Variants in TCF4 observed in about 807,000 individuals in gnomAD.
TCF4 encodes the protein transcription factor 4.
In TCF4, 3 loss-of-function variants were observed where a neutral mutation model predicts 82.1. The ratio of observed to expected loss-of-function variants is 0.04; its 90% confidence interval spans 0.02 to 0.09. The LOEUF is 0.09. TCF4 is among the 10% of genes least tolerant of loss of function. The pLI is 1.00. For synonymous variants in TCF4, 276 were observed against 309.6 expected, an observed-to-expected ratio of 0.89 and a Z score of 1.14; for missense variants, 518 against 852.7, an observed-to-expected ratio of 0.61 and a Z score of 4.89.
At chr18:55,398,550 C>T (rs187047939) in intron 6 of TCF4, among the ~76,000 whole-genome samples, 3 of 152,258 alleles carry the variant, frequency 2.0e-5, no homozygotes, top group East Asian at 1.9e-4. Context: ...TGTCTCTCCA[C>T]GGTATGACTT....
intron 3 of TCF4, among the ~76,000 whole-genome samples, chr18:55,477,938 G>C (rs1603523725): frequency 6.6e-6 from 1 of 152,180 alleles, no homozygotes; most frequent in Non-Finnish European, 1.5e-5. Context: ...CGGTCAGAAA[G>C]AGATGAGCTG....
chr18:55,372,226 G>T (rs971619989), intron 6 of TCF4, among the ~76,000 whole-genome samples: 1 of 151,966 alleles, frequency 6.6e-6, no homozygotes, highest in African/African-American at 2.4e-5. Flanking sequence ...GAGTAGCTTC[G>T]GTGGAATAAC....
At chr18:55,459,341 T>C (rs2095829503) in intron 5 of TCF4, among the ~76,000 whole-genome samples, 2 of 152,240 alleles carry the variant, frequency 1.3e-5, no homozygotes, top group South Asian at 4.1e-4. Context: ...AACAATCATT[T>C]AATCTGTTTG....
intron 5 of TCF4, among the ~76,000 whole-genome samples, chr18:55,445,844 C>T (rs901653045): frequency 7.2e-5 from 11 of 152,174 alleles, no homozygotes; most frequent in African/African-American, 2.2e-4. Context: ...TAAGATGAAG[C>T]TCAGGCATTA....
chr18:55,343,310 T>C (rs1264450470), intron 8 of TCF4, among the ~76,000 whole-genome samples: 1 of 152,158 alleles, frequency 6.6e-6, no homozygotes, highest in Non-Finnish European at 1.5e-5. Flanking sequence ...CTACGAAATG[T>C]TCCTATTTCC....
Position 55,223,765 on chromosome 18 carries a change from T to C in TCF4, c.*4270A>G, listed in dbSNP as rs1341310133. 1 of 149,224 alleles carries C rather than the reference T, an allele frequency of 6.7e-6. No individual in the cohort carries two copies. Among genetic ancestry groups the C allele is most frequent in the Non-Finnish European group, 1.5e-5 (1 of 67,476 alleles). The allele number at this position is 149,224 out of a possible 1,614,324, so 9.2% of individuals were successfully genotyped here. A position where few individuals can be genotyped will look rare whatever the true frequency, so the allele number is the denominator to read the frequency against. On this transcript the variant is annotated 3_prime_UTR_variant, in exon 20 of 20. Coordinates refer to ENST00000354452, the MANE Select transcript of TCF4 (RefSeq NM_001083962.2). ...TTTAATGCTGCAGCTATGTGTACAG[T>C]CGCAAAAAATTTCCCCGCTGCGACC...
At chr18:55,484,952 G>T (rs904918620) in intron 3 of TCF4, among the ~76,000 whole-genome samples, 3 of 152,104 alleles carry the variant, frequency 2.0e-5, no homozygotes, top group African/African-American at 7.2e-5. Flanking sequence ...GTTCCAGAGG[G>T]AAACCCCCAA....
intron 5 of TCF4, among the ~76,000 whole-genome samples, chr18:55,445,384 C>T (rs538445878): frequency 1.8e-4 from 28 of 152,082 alleles, no homozygotes; most frequent in African/African-American, 6.3e-4. Flanking sequence ...GTTTAATGAA[C>T]TCATAGTTTC....
At chr18:55,536,578 T>A (rs549300499) in intron 3 of TCF4, among the ~76,000 whole-genome samples, 1 of 152,196 alleles carries the variant, frequency 6.6e-6, no homozygotes, top group African/African-American at 2.4e-5. Flanking sequence ...AAAAAATGTA[T>A]AGTTATTAGA....
chr18:55,483,172 C>T (rs1441145003), intron 3 of TCF4, among the ~76,000 whole-genome samples: 2 of 152,082 alleles, frequency 1.3e-5, no homozygotes, highest in African/African-American at 4.8e-5. Context: ...TCAAAGGGGC[C>T]GTCCATATAT....
chr18:55,328,990 A>T (rs934139071), intron 8 of TCF4, among the ~76,000 whole-genome samples: 1 of 152,226 alleles, frequency 6.6e-6, no homozygotes, highest in Non-Finnish European at 1.5e-5. Flanking sequence ...GCAATAGGAC[A>T]ACTTGCTAGG....
rs1197960802 is a variant in TCF4 at position 55,226,152 on chromosome 18, C to T, written c.*1883G>A. Reference sequence around the variant, plus strand: ...TTTGCCATTTGTTGCATAAAATTTACAAATGTATTTCATTACTATATAACT... The same window carrying T: ...TTTGCCATTTGTTGCATAAAATTTATAAATGTATTTCATTACTATATAACT... On this transcript the variant is annotated 3_prime_UTR_variant, in exon 20 of 20. Coordinates refer to ENST00000354452, the MANE Select transcript of TCF4 (RefSeq NM_001083962.2). 1 of 152,498 alleles carries T rather than the reference C, an allele frequency of 6.6e-6. No homozygotes were observed. Among genetic ancestry groups the T allele is most frequent in the Non-Finnish European group, 1.5e-5 (1 of 67,982 alleles). The allele number at this position is 152,498 out of a possible 1,614,324, so 9.4% of individuals were successfully genotyped here. A position where few individuals can be genotyped will look rare whatever the true frequency, so the allele number is the denominator to read the frequency against.
chr18:55,518,790 T>C (rs1167355848), intron 3 of TCF4, among the ~76,000 whole-genome samples: 1 of 152,182 alleles, frequency 6.6e-6, no homozygotes, highest in Non-Finnish European at 1.5e-5. Context: ...GTGTATAAAA[T>C]CTGAAAGAGA....
At chr18:55,508,969 C>A (rs1489775481) in intron 3 of TCF4, among the ~76,000 whole-genome samples, 3 of 152,130 alleles carry the variant, frequency 2.0e-5, no homozygotes, top group African/African-American at 7.2e-5. Flanking sequence ...TAGAGTAAAT[C>A]TCCTCTCAAA....
chr18:55,277,292 T>A (rs1028315754), intron 9 of TCF4, among the ~76,000 whole-genome samples: 4 of 152,124 alleles, frequency 2.6e-5, no homozygotes, highest in African/African-American at 9.7e-5. Context: ...CACCTTAAAT[T>A]CAAATATGAA....
intron 8 of TCF4, among the ~76,000 whole-genome samples, chr18:55,303,982 CG>C (rs1244623766): frequency 4.6e-5 from 7 of 152,012 alleles, no homozygotes; most frequent in Non-Finnish European, 8.8e-5. Flanking sequence ...TTCCTTTCTA[CG>C]GTGTAAACAT....
rs1211089837 is a variant in TCF4, at chr18:55,362,377, GGAAGGAAGGAAGGAAA to G, written c.370-11390_370-11375del. ...AGGAAGGAAGGAAGGAAGGAAGGAA[GGAAGGAAGGAAGGAAA>G]GAAGGAAGGAAGGAAGGAAGGAAGG... On this transcript the variant is annotated intron_variant, in intron 6 of 19. Transcript: ENST00000354452. 2.0e-3 allele frequency among the ~76,000 whole-genome samples: 186 copies of G among 93,940 alleles called. 2 individuals are homozygous for G. The highest frequency in any genetic ancestry group is 0.012 in the South Asian group (35 of 2,858). 61.6% of individuals were successfully genotyped at this position (93,940 alleles called of 152,430 possible).
chr18:55,412,495 C>A (rs971292815), intron 5 of TCF4, among the ~76,000 whole-genome samples: 1 of 152,136 alleles, frequency 6.6e-6, no homozygotes, highest in Non-Finnish European at 1.5e-5. Flanking sequence ...CTGAAAGCAT[C>A]TCTCTTCTAT....
chr18:55,594,212 C>T (rs755256109), intron 2 of TCF4, among the ~76,000 whole-genome samples: 1 of 152,250 alleles, frequency 6.6e-6, no homozygotes, highest in Non-Finnish European at 1.5e-5. Context: ...CTTCTGGTCT[C>T]AGCTTAAACA....
Sources: gnomAD v4.1 joint callset for allele counts (sites outside exome capture counted in the v4.1 genomes callset) on GRCh38, gnomAD v4.1.1 for gene constraint, MANE v1.5 for transcripts, NCBI Gene and HGNC (gene_info 2026-07-23, HGNC 2026-07-21) for gene names.